CTNNA2: variants seen among roughly 807,000 people sequenced by gnomAD.
CTNNA2 encodes catenin alpha-2.
A neutral mutation model predicts 101.0 loss-of-function variants in CTNNA2; 42 were observed. The observed-to-expected ratio is 0.42, with a 90% CI of 0.32 to 0.54. The LOEUF (loss-of-function observed/expected upper bound fraction) is 0.54, where lower values mean the gene tolerates loss of function less well. CTNNA2 is among the 20% of genes least tolerant of loss of function. The pLI is 0.14. For missense variants in CTNNA2, 871 were observed against 1,223.1 expected, an observed-to-expected ratio of 0.71 and a Z score of 4.29; for synonymous variants, 450 against 456.4, an observed-to-expected ratio of 0.99 and a Z score of 0.18.
At chr2:80,044,986 A>AAGG (rs967429724) in intron 7 of CTNNA2, among the ~76,000 whole-genome samples, 1 of 152,166 alleles carries the variant, frequency 6.6e-6, no homozygotes, top group African/African-American at 2.4e-5. Context: ...CTGGGCACCC[A>AAGG]AGATGGCTTA....
intron 7 of CTNNA2, among the ~76,000 whole-genome samples, chr2:79,971,694 A>G (rs562187897): frequency 5.4e-4 from 82 of 152,320 alleles, no homozygotes; most frequent in African/African-American, 1.8e-3. Flanking sequence ...TTCTTAGTAA[A>G]TATGTGATAC....
At chr2:80,605,072 A>G (rs1697887896) in intron 16 of CTNNA2, 3 of 151,992 alleles carry the variant, frequency 2.0e-5, no homozygotes, top group Non-Finnish European at 4.4e-5. Context: ...TCTAACCCAG[A>G]CTCAGAAGCA....
chr2:80,102,553 C>G (rs887025024), intron 7 of CTNNA2, among the ~76,000 whole-genome samples: 1 of 152,154 alleles, frequency 6.6e-6, no homozygotes, highest in Non-Finnish European at 1.5e-5. Context: ...TGCTCTATTA[C>G]CCAGGCTGGA....
At chr2:80,118,333 A>T (rs1701642550) in intron 7 of CTNNA2, among the ~76,000 whole-genome samples, 1 of 152,244 alleles carries the variant, frequency 6.6e-6, no homozygotes, top group Non-Finnish European at 1.5e-5. Context: ...GGAATGGAGG[A>T]AGTCCAGGCT....
chr2:79,246,811 T>C (rs764480695), intron 2 of CTNNA2, among the ~76,000 whole-genome samples: 5 of 152,246 alleles, frequency 3.3e-5, no homozygotes, highest in Non-Finnish European at 5.9e-5. Context: ...GTTTTTATGA[T>C]TTCTTTGGCA....
At chr2:80,278,968 C>T (rs1674139001) in intron 7 of CTNNA2, among the ~76,000 whole-genome samples, 1 of 151,180 alleles carries the variant, frequency 6.6e-6, no homozygotes, top group Non-Finnish European at 1.5e-5. Context: ...CTGTCTCTTA[C>T]AAAAAAATTG....
At chr2:79,267,026 C>T (rs551258526) in intron 2 of CTNNA2, among the ~76,000 whole-genome samples, 6 of 152,096 alleles carry the variant, frequency 3.9e-5, no homozygotes, top group Non-Finnish European at 8.8e-5. Context: ...CAGCAAGTCT[C>T]GTATGCTAAA....
chr2:79,604,800 G>T (rs1438696216), intron 1 of CTNNA2, among the ~76,000 whole-genome samples: 1 of 152,194 alleles, frequency 6.6e-6, no homozygotes, highest in East Asian at 1.9e-4. Context: ...ACTGGGAAAT[G>T]ATTAGCCCCA....
chr2:80,568,436 C>T (rs1022994471), intron 12 of CTNNA2, among the ~76,000 whole-genome samples: 2 of 152,130 alleles, frequency 1.3e-5, no homozygotes, highest in Admixed American at 1.3e-4. Context: ...AGAAGCAGGA[C>T]AAGGGTTTAA....
chr2:80,324,679 T>C (rs1044838593), intron 7 of CTNNA2, among the ~76,000 whole-genome samples: 14 of 152,172 alleles, frequency 9.2e-5, no homozygotes, highest in Non-Finnish European at 1.8e-4. Flanking sequence ...AAAATACTCC[T>C]TTTTTGGCGT....
chr2:80,625,221 T>G (rs1256658344), intron 18 of CTNNA2, among the ~76,000 whole-genome samples: 1 of 152,046 alleles, frequency 6.6e-6, no homozygotes, highest in Non-Finnish European at 1.5e-5. Context: ...CTTTTGCTTT[T>G]TATTAGAATA....
chr2:79,597,776 C>A (rs112663476), intron 1 of CTNNA2, among the ~76,000 whole-genome samples: 9 of 152,128 alleles, frequency 5.9e-5, no homozygotes, highest in African/African-American at 2.2e-4. Flanking sequence ...AGAACCTACA[C>A]TGATGCCCTA....
intron 7 of CTNNA2, among the ~76,000 whole-genome samples, chr2:80,250,448 G>A (rs1671679228): frequency 6.6e-6 from 1 of 152,138 alleles, no homozygotes; most frequent in Non-Finnish European, 1.5e-5. Context: ...AGCAGGCTGA[G>A]GATGGGAGTC....
At chr2:79,203,599 G>T (rs964992066) in intron 2 of CTNNA2, among the ~76,000 whole-genome samples, 2 of 152,180 alleles carry the variant, frequency 1.3e-5, no homozygotes, top group South Asian at 4.1e-4. Context: ...CTGCCCAGAA[G>T]CATGTATGAT....
intron 3 of CTNNA2, among the ~76,000 whole-genome samples, chr2:79,839,929 G>A (rs1286276619): frequency 2.0e-5 from 3 of 152,054 alleles, no homozygotes; most frequent in Admixed American, 2.0e-4. Flanking sequence ...ATTTTTTTAT[G>A]AAGACTTATT....
At chr2:79,672,020 C>A (rs931136375) in intron 2 of CTNNA2, among the ~76,000 whole-genome samples, 13 of 152,168 alleles carry the variant, frequency 8.5e-5, no homozygotes, top group African/African-American at 2.9e-4. Context: ...ATAACCTGAA[C>A]AAATACCTAT....
intron 2 of CTNNA2, among the ~76,000 whole-genome samples, chr2:79,291,720 G>A (rs1675821544): frequency 6.6e-6 from 1 of 152,206 alleles, no homozygotes; most frequent in African/African-American, 2.4e-5. Flanking sequence ...TTTATCAAGT[G>A]CTTTGGCTAC....
At chr2:79,715,119 A>G (rs1245146607) in intron 2 of CTNNA2, among the ~76,000 whole-genome samples, 1 of 149,470 alleles carries the variant, frequency 6.7e-6, no homozygotes, top group Non-Finnish European at 1.5e-5. Flanking sequence ...AGGCAGGAGA[A>G]TCGCTTGAAC....
At chr2:79,449,310 T>C (rs747992042) in intron 4 of CTNNA2, among the ~76,000 whole-genome samples, 6 of 151,914 alleles carry the variant, frequency 3.9e-5, no homozygotes, top group Non-Finnish European at 5.9e-5. Context: ...AAAGAGATAA[T>C]AGACATTGTT....
Sources: allele counts gnomAD v4.1 joint callset (sites outside exome capture counted in the v4.1 genomes callset), GRCh38; gene constraint gnomAD v4.1.1; transcripts MANE v1.5; gene names NCBI Gene and HGNC (gene_info 2026-07-23, HGNC 2026-07-21).